Variants in PXDNL observed in about 807,000 individuals in gnomAD.
The protein encoded by PXDNL is probable oxidoreductase PXDNL.
PXDNL carries 145 observed loss-of-function variants against 150.8 expected under a neutral mutation model. The ratio of observed to expected loss-of-function variants is 0.96; its 90% CI spans 0.84 to 1.10. The LOEUF (loss-of-function observed/expected upper bound fraction) is 1.10, where lower values mean the gene tolerates loss of function less well. Among genes scored for constraint, PXDNL ranks in the 50% least tolerant of loss-of-function variants. The pLI is 0.00. For synonymous variants in PXDNL, 757 were observed against 725.7 expected (o/e 1.04, Z -0.69); for missense variants, 2,087 against 1,873.9 (o/e 1.11, Z -2.10).
chr8:51,574,959 G>A (rs73588743), intron 3 of PXDNL, among the ~76,000 whole-genome samples: 8,016 of 150,874 alleles, frequency 0.053, 489 homozygotes, highest in African/African-American at 0.15. Flanking sequence ...AATATGAGGC[G>A]TCGAGAAGAA....
chr8:51,556,963 T>C (rs1812613980), intron 3 of PXDNL, 52 bp from the exon 4 acceptor site: 1 of 1,055,802 alleles, frequency 9.5e-7, no homozygotes, highest in African/African-American at 1.7e-5. Context: ...AGATACCACA[T>C]GTCTTAGATA....
At chr8:51,805,476 A>C (rs982024083) in intron 1 of PXDNL, among the ~76,000 whole-genome samples, 1 of 148,884 alleles carries the variant, frequency 6.7e-6, no homozygotes. Flanking sequence ...TATATATATA[A>C]AATGAATGGA....
chr8:51,764,444 ACTCCAAATAT>A (rs2037203229), intron 1 of PXDNL, among the ~76,000 whole-genome samples: 1 of 140,874 alleles, frequency 7.1e-6, no homozygotes, highest in Admixed American at 7.0e-5. Context: ...GGCATTTACA[ACTCCAAATAT>A]CTCTCTGGCC....
intron 1 of PXDNL, among the ~76,000 whole-genome samples, chr8:51,686,459 T>C (rs1268328217): frequency 6.6e-6 from 1 of 152,210 alleles, no homozygotes; most frequent in African/African-American, 2.4e-5. Flanking sequence ...CTAGTGGTTC[T>C]CCTCCTGTTC....
rs1363201558 is a variant in PXDNL at position 51,499,640 on chromosome 8, G to A, written c.452+59C>T. 12 of 1,324,894 alleles carry A rather than the reference G, an allele frequency of 9.1e-6. No individual in the cohort carries two copies. The East Asian group carries it at 2.8e-4, about 30-fold the overall frequency. The allele number at this position is 1,324,894 out of a possible 1,614,324, so 82.1% of individuals were successfully genotyped here. Reference sequence around the variant, plus strand: ...CCTGATCTCCACGGCAGTCAGATGGGTTGTATAAATGGAAAATGTAAAGCA... The same window carrying A: ...CCTGATCTCCACGGCAGTCAGATGGATTGTATAAATGGAAAATGTAAAGCA... On this transcript the variant is annotated intron_variant, in intron 5 of 22. Transcript: ENST00000356297.
intron 1 of PXDNL, among the ~76,000 whole-genome samples, chr8:51,799,407 A>T (rs187052879): frequency 1.4e-4 from 22 of 152,326 alleles, no homozygotes; most frequent in African/African-American, 3.8e-4. Context: ...ATTAAATTTT[A>T]AAAAAAGATA....
Position 51,506,540 on chromosome 8 carries a change from C to CAAA in PXDNL, c.381-6773_381-6771dup, listed in dbSNP as rs11312240. On this transcript the variant is annotated intron_variant, in intron 4 of 22. Transcript: ENST00000356297. Reference sequence around the variant, plus strand: ...TGGGTGACAGAGTGAGACTCTGTCTCAAAAAAAAAAAAAAAAAAAAAAAAA... The same window carrying CAAA: ...TGGGTGACAGAGTGAGACTCTGTCTCAAAAAAAAAAAAAAAAAAAAAAAAAAAA... 3.6e-3 allele frequency among the ~76,000 whole-genome samples: 240 copies of CAAA among 67,502 alleles called. 15 individuals carry two copies. The highest frequency in any genetic ancestry group is 0.015 in the African/African-American group (206 of 13,602). The allele number at this position is 67,502 out of a possible 152,430, so 44.3% of individuals were successfully genotyped here. A position where few individuals can be genotyped will look rare whatever the true frequency, so the allele number is the denominator to read the frequency against.
chr8:51,640,555 C>A (rs1814725524), intron 2 of PXDNL, among the ~76,000 whole-genome samples: 1 of 152,222 alleles, frequency 6.6e-6, no homozygotes, highest in South Asian at 2.1e-4. Context: ...TCTTACACAC[C>A]AATAACAGAC....
chr8:51,569,083 C>T (rs6473626), intron 3 of PXDNL, among the ~76,000 whole-genome samples: 3,656 of 151,912 alleles, frequency 0.024, 156 homozygotes, highest in African/African-American at 0.083. Flanking sequence ...AAAATCTCTG[C>T]CGAATCTGAG....
At chr8:51,591,877 C>G (rs969952095) in intron 3 of PXDNL, among the ~76,000 whole-genome samples, 7 of 152,176 alleles carry the variant, frequency 4.6e-5, no homozygotes, top group African/African-American at 1.2e-4. Context: ...CTGGGCCTCC[C>G]CAAAGTGCTG....
chr8:51,446,727 A>G (rs1305870951), intron 12 of PXDNL, among the ~76,000 whole-genome samples: 1 of 152,168 alleles, frequency 6.6e-6, no homozygotes, highest in Non-Finnish European at 1.5e-5. Flanking sequence ...AAGTAGGACT[A>G]ATTAATCATA....
intron 1 of PXDNL, among the ~76,000 whole-genome samples, chr8:51,806,040 A>C (rs2037671861): frequency 6.6e-6 from 1 of 152,244 alleles, no homozygotes; most frequent in African/African-American, 2.4e-5. Flanking sequence ...CAATGGCAGC[A>C]GGCTTTTTGG....
At chr8:51,345,683 A>G in intron 20 of PXDNL, 150 bp downstream of exon 20, 1 of 561,514 alleles carries the variant, frequency 1.8e-6, no homozygotes, top group Non-Finnish European at 3.2e-6. Flanking sequence ...ACATTACAGA[A>G]TTCATTCTGT....
chr8:51,599,773 T>C (rs183122727), intron 2 of PXDNL, among the ~76,000 whole-genome samples: 5,448 of 136,512 alleles, frequency 0.04, 274 homozygotes, highest in East Asian at 0.13. Context: ...ATAAATTATA[T>C]CTTATATAAA....
At chr8:51,510,556 G>A (rs1187605441) in intron 4 of PXDNL, among the ~76,000 whole-genome samples, 2 of 152,192 alleles carry the variant, frequency 1.3e-5, no homozygotes, top group Non-Finnish European at 2.9e-5. Context: ...CAAGGGAAAG[G>A]AACTATAGGC....
chr8:51,686,390 C>T (rs1815873723), intron 1 of PXDNL, among the ~76,000 whole-genome samples: 1 of 152,198 alleles, frequency 6.6e-6, no homozygotes, highest in African/African-American at 2.4e-5. Flanking sequence ...AGCATGGAAG[C>T]CTCTGCTGCC....
intron 9 of PXDNL, among the ~76,000 whole-genome samples, chr8:51,456,111 C>T (rs540182158): frequency 6.6e-6 from 1 of 152,158 alleles, no homozygotes; most frequent in Non-Finnish European, 1.5e-5. Flanking sequence ...GCCTATCTTA[C>T]CATGCCCTCC....
intron 20 of PXDNL, among the ~76,000 whole-genome samples, chr8:51,345,455 A>T (rs1254129827): frequency 6.6e-6 from 1 of 152,216 alleles, no homozygotes; most frequent in Non-Finnish European, 1.5e-5. Flanking sequence ...ATTCAAATCA[A>T]CTTAACATGA....
chr8:51,789,380 G>C (rs1005871466), intron 1 of PXDNL, among the ~76,000 whole-genome samples: 1 of 152,152 alleles, frequency 6.6e-6, no homozygotes, highest in African/African-American at 2.4e-5. Context: ...AACAAGCACA[G>C]ATGGTGAACA....
Sources: gnomAD v4.1 joint callset for allele counts (sites outside exome capture counted in the v4.1 genomes callset) on GRCh38, gnomAD v4.1.1 for gene constraint, MANE v1.5 for transcripts, NCBI Gene and HGNC (gene_info 2026-07-23, HGNC 2026-07-21) for gene names.